NEURL1B: variants seen among roughly 807,000 people sequenced by gnomAD.
NEURL1B encodes the protein neuralized E3 ubiquitin protein ligase 1B.
A neutral mutation model predicts 37.4 loss-of-function variants in NEURL1B; 13 were observed. The ratio of observed to expected loss-of-function variants is 0.35; its 90% CI spans 0.23 to 0.55. NEURL1B has a LOEUF of 0.55. Ranked by LOEUF, NEURL1B falls within the 20% of genes least tolerant of loss-of-function variation. The pLI, the probability that NEURL1B is intolerant of heterozygous loss-of-function variation, is 0.89. For synonymous variants in NEURL1B, 432 were observed against 426.6 expected, an observed-to-expected ratio of 1.01 and a Z score of -0.16; for missense variants, 790 against 879.2, an observed-to-expected ratio of 0.90 and a Z score of 1.28.
Position 172,689,842 on chromosome 5 carries a change from A to G in NEURL1B, c.*2917A>G, listed in dbSNP as rs3749715. 0.14 allele frequency: 20,640 copies of G among 152,418 alleles called. 1,750 individuals are homozygous for G. The highest frequency in any genetic ancestry group is 0.29 in the East Asian group (1,514 of 5,182). 9.4% of individuals were successfully genotyped at this position (152,418 alleles called of 1,614,324 possible). A position where few individuals can be genotyped will look rare whatever the true frequency, so the allele number is the denominator to read the frequency against. Reference sequence around the variant, plus strand: ...TCCGCTGCCCACACCCTGGGAGGAGAAGCGGCCTCCCTTCCAGGCTCATCT... The same window carrying G: ...TCCGCTGCCCACACCCTGGGAGGAGGAGCGGCCTCCCTTCCAGGCTCATCT... On this transcript the variant is annotated 3_prime_UTR_variant, in exon 5 of 5. Coordinates refer to ENST00000369800, the MANE Select transcript of NEURL1B (RefSeq NM_001142651.3).
At chr5:172,685,469 GC>G (rs540190939) in intron 3 of NEURL1B, among the ~76,000 whole-genome samples, 9 of 152,330 alleles carry the variant, frequency 5.9e-5, no homozygotes, top group Admixed American at 5.9e-4. Context: ...TAAGAAACAA[GC>G]TGTTATTGTC....
rs1350063720 is a variant in NEURL1B at position 172,683,924 on chromosome 5, G to A, written c.1083G>A (p.Ala361=). The A allele has an allele frequency of 2.1e-6, 3 of 1,406,896 alleles. No individual in the cohort carries two copies. Among genetic ancestry groups the A allele is most frequent in the African/African-American group, 1.5e-5 (1 of 66,454 alleles). The allele number at this position is 1,406,896 out of a possible 1,614,324, so 87.2% of individuals were successfully genotyped here. Residue 361 remains alanine (A), a synonymous_variant, in exon 3 of 5, where the codon GCG becomes GCA. Coordinates refer to ENST00000369800, the MANE Select transcript of NEURL1B (RefSeq NM_001142651.3). The surrounding 1 kb of genome is among the most constrained non-coding windows in gnomAD (Gnocchi z 5.6). ...ACGAGCTGCCCGCCGACCCAGACGC[G>A]CTGCTCGACCGCAAAGAGTACTGGG... is the stretch of plus-strand genomic sequence containing the variant. ...RPNELPADPD[A]LLDRKEYWVV... is the part of the protein sequence containing the mutation.
At chr5:172,671,891 G>A (rs971145095) in intron 2 of NEURL1B, among the ~76,000 whole-genome samples, 3 of 152,274 alleles carry the variant, frequency 2.0e-5, no homozygotes, top group Non-Finnish European at 2.9e-5. Context: ...GTGGTCAAGA[G>A]CAGGGTGTTG....
chr5:172,679,435 G>A (rs113816076), intron 2 of NEURL1B, among the ~76,000 whole-genome samples: 138 of 152,372 alleles, frequency 9.1e-4, no homozygotes, highest in African/African-American at 3.2e-3. Context: ...TAGAAGCTGG[G>A]CAGTCTCGAC....
In NEURL1B at chr5:172,641,545, C is replaced by G. The variant is rs1757459758; in HGVS notation, c.31+108C>G. 1.0e-6 allele frequency: 1 copy of G among 993,762 alleles called. No homozygotes were observed. Among genetic ancestry groups the G allele is most frequent in the Non-Finnish European group, 1.3e-6 (1 of 768,216 alleles). The allele number at this position is 993,762 out of a possible 1,614,324, so 61.6% of individuals were successfully genotyped here. A position where few individuals can be genotyped will look rare whatever the true frequency, so the allele number is the denominator to read the frequency against. On this transcript the variant is annotated intron_variant, in intron 1 of 4. Transcript: ENST00000369800. The surrounding 1 kb of genome is among the most constrained non-coding windows in gnomAD (Gnocchi z 6.4). ...CCCACGGCCCTTGGAGCCCTCGGCTCGCAGCGGGCTGGAGTCTCCGGTACC... is the reference window on the plus strand; with the variant it reads ...CCCACGGCCCTTGGAGCCCTCGGCTGGCAGCGGGCTGGAGTCTCCGGTACC...
At chr5:172,677,211 C>T (rs781445357) in intron 2 of NEURL1B, among the ~76,000 whole-genome samples, 4 of 152,122 alleles carry the variant, frequency 2.6e-5, no homozygotes, top group Non-Finnish European at 2.9e-5. Context: ...TTTTTCCAAA[C>T]AGACCAGGCC....
chr5:172,687,693 A>G lies in NEURL1B; in HGVS notation c.*768A>G, dbSNP rs1758539492. The G allele has an allele frequency of 6.6e-6, 1 of 152,070 alleles. No homozygotes were observed. Among genetic ancestry groups the G allele is most frequent in the Non-Finnish European group, 1.5e-5 (1 of 68,062 alleles). 9.4% of individuals were successfully genotyped at this position (152,070 alleles called of 1,614,324 possible). A position where few individuals can be genotyped will look rare whatever the true frequency, so the allele number is the denominator to read the frequency against. ...CTTCACCCCCAGACTGTCTAATAATACACACATCATACCTTGTCTCCGTCT... is the reference window on the plus strand; with the variant it reads ...CTTCACCCCCAGACTGTCTAATAATGCACACATCATACCTTGTCTCCGTCT... On this transcript the variant is annotated 3_prime_UTR_variant, in exon 5 of 5. Transcript: ENST00000369800.
intron 2 of NEURL1B, among the ~76,000 whole-genome samples, chr5:172,680,944 G>A (rs189398943): frequency 6.6e-6 from 1 of 152,330 alleles, no homozygotes; most frequent in East Asian, 1.9e-4. Context: ...GTAAAAGAAA[G>A]AGGTTTAATT....
intron 1 of NEURL1B, among the ~76,000 whole-genome samples, chr5:172,667,222 G>A: frequency 7.1e-6 from 1 of 140,820 alleles, no homozygotes; most frequent in Non-Finnish European, 1.5e-5. Flanking sequence ...CAGATCACTT[G>A]AGGTCAGGAG....
chr5:172,641,469 C>T lies in NEURL1B; in HGVS notation c.31+32C>T. The T allele has an allele frequency of 1.2e-5, 15 of 1,286,232 alleles. No individual in the cohort carries two copies. Among genetic ancestry groups the T allele is most frequent in the Non-Finnish European group, 1.5e-5 (15 of 1,017,492 alleles). 79.7% of individuals were successfully genotyped at this position (1,286,232 alleles called of 1,614,324 possible). A position where few individuals can be genotyped will look rare whatever the true frequency, so the allele number is the denominator to read the frequency against. On this transcript the variant is annotated intron_variant, in intron 1 of 4. Transcript: ENST00000369800. The surrounding 1 kb of genome is among the most constrained non-coding windows in gnomAD (Gnocchi z 6.4). Reference sequence around the variant, plus strand: ...CGGGGAGCCCTGCCCGGGAGGCGGGCGCCGGGCTTCTCTCCTCCGGGGGAC... The same window carrying T: ...CGGGGAGCCCTGCCCGGGAGGCGGGTGCCGGGCTTCTCTCCTCCGGGGGAC...
chr5:172,668,478 T>C (rs945870649), intron 1 of NEURL1B, among the ~76,000 whole-genome samples: 10 of 152,132 alleles, frequency 6.6e-5, no homozygotes, highest in African/African-American at 2.2e-4. Flanking sequence ...CCATGTCTTG[T>C]TTGCCTCATC....
At chr5:172,668,831 T>A (rs1433605521) in intron 1 of NEURL1B, among the ~76,000 whole-genome samples, 1 of 152,116 alleles carries the variant, frequency 6.6e-6, no homozygotes, top group Non-Finnish European at 1.5e-5. Context: ...AGAGGAAGAC[T>A]CCCACTTGAT....
intron 2 of NEURL1B, among the ~76,000 whole-genome samples, chr5:172,670,677 C>T (rs1462823740): frequency 6.6e-6 from 1 of 152,198 alleles, no homozygotes; most frequent in East Asian, 1.9e-4. Flanking sequence ...TCACTCATTC[C>T]TTCACTTCCT....
At position 172,641,469 on chromosome 5, in the gene NEURL1B, C is replaced by A; in HGVS notation, c.31+32C>A. The A allele has an allele frequency of 7.8e-7, 1 of 1,286,232 alleles. No individual in the cohort carries two copies. The highest frequency in any genetic ancestry group is 1.5e-5 in the African/African-American group (1 of 64,736). The allele number at this position is 1,286,232 out of a possible 1,614,324, so 79.7% of individuals were successfully genotyped here. A position where few individuals can be genotyped will look rare whatever the true frequency, so the allele number is the denominator to read the frequency against. Reference sequence around the variant, plus strand: ...CGGGGAGCCCTGCCCGGGAGGCGGGCGCCGGGCTTCTCTCCTCCGGGGGAC... The same window carrying A: ...CGGGGAGCCCTGCCCGGGAGGCGGGAGCCGGGCTTCTCTCCTCCGGGGGAC... On this transcript the variant is annotated intron_variant, in intron 1 of 4. Transcript: ENST00000369800. This position sits in a 1 kb window ranked among gnomAD's most constrained non-coding sequence, Gnocchi z 6.4.
intron 1 of NEURL1B, among the ~76,000 whole-genome samples, chr5:172,654,763 A>T (rs1757734694): frequency 6.6e-6 from 1 of 152,120 alleles, no homozygotes; most frequent in Admixed American, 6.5e-5. Flanking sequence ...ATGGGTTGTC[A>T]GTGGCCTCAG....
At chr5:172,643,073 A>G (rs1302621703) in intron 1 of NEURL1B, among the ~76,000 whole-genome samples, 1 of 152,224 alleles carries the variant, frequency 6.6e-6, no homozygotes, top group Non-Finnish European at 1.5e-5. Context: ...AGGCAGGCTA[A>G]ATATAGCTAG....
At position 172,681,802 on chromosome 5, in the gene NEURL1B, A is replaced by G. The variant is rs1252561860; in HGVS notation, c.578-1617A>G. Among the ~76,000 whole-genome samples, 5 of 152,378 alleles carry G rather than the reference A, an allele frequency of 3.3e-5. 1 individual carries two copies. Among genetic ancestry groups the G allele is most frequent in the Non-Finnish European group, 7.3e-5 (5 of 68,044 alleles). ...TTCATATTTGGAAAACTAAAGAGGAAATATTTTTCAAGACACTATAGAATG... is the reference window on the plus strand; with the variant it reads ...TTCATATTTGGAAAACTAAAGAGGAGATATTTTTCAAGACACTATAGAATG... On this transcript the variant is annotated intron_variant, in intron 2 of 4. Transcript: ENST00000369800.
rs545770957 is a variant in NEURL1B at position 172,665,731 on chromosome 5, G to A, written c.32-4054G>A. Among the ~76,000 whole-genome samples the A allele has an allele frequency of 3.9e-5, 4 of 101,818 alleles. No homozygotes were observed. Among genetic ancestry groups the A allele is most frequent in the East Asian group, 2.6e-4 (1 of 3,906 alleles). The allele number at this position is 101,818 out of a possible 152,430, so 66.8% of individuals were successfully genotyped here. On this transcript the variant is annotated intron_variant, in intron 1 of 4. Coordinates refer to ENST00000369800, the MANE Select transcript of NEURL1B (RefSeq NM_001142651.3). The surrounding 1 kb of genome is among the most constrained non-coding windows in gnomAD (Gnocchi z 4.1). ...GCCTCCCCCTGCCTCTGCCCCTACC[G>A]TTCCCCTCTGCTCCCTCTCCTCCCT...
chr5:172,656,409 A>C, intron 1 of NEURL1B: 2 of 754,372 alleles, frequency 2.7e-6, no homozygotes. Flanking sequence ...CAGCTCCAAG[A>C]CAACACTTAA....
Sources: allele counts gnomAD v4.1 joint callset (sites outside exome capture counted in the v4.1 genomes callset), GRCh38; gene constraint gnomAD v4.1.1; non-coding constraint Gnocchi (gnomAD v3.1); transcripts MANE v1.5; gene names NCBI Gene and HGNC (gene_info 2026-07-23, HGNC 2026-07-21).